The following CARNS1 variants were observed in gnomAD, a reference collection of about 807,000 sequenced individuals.
The protein encoded by CARNS1 is ATP-grasp domain containing 1.
Under a neutral mutation model 74.0 loss-of-function variants are expected in CARNS1, and 61 were observed. That is an observed-to-expected ratio of 0.82 (90% CI 0.67 to 1.02). CARNS1 has a LOEUF of 1.02. Among genes scored for constraint, CARNS1 ranks in the 50% least tolerant of loss-of-function variants. The probability of loss-of-function intolerance (pLI) is 0.00; values close to 1 mark genes in which losing one functional copy is unlikely to be tolerated. For missense variants in CARNS1, 1,278 were observed against 1,308.4 expected (o/e 0.98, Z 0.36); for synonymous variants, 568 against 605.5 (o/e 0.94, Z 0.91).
chr11:67,419,372 G>A (rs1463343940), intron 5 of CARNS1, 115 bp from the exon 6 acceptor site: 1 of 1,494,482 alleles, frequency 6.7e-7, no homozygotes, highest in Admixed American at 2.1e-5. Flanking sequence ...CCCATCTCTG[G>A]GGCAATCCCC....
At chr11:67,419,369 C>G in intron 5 of CARNS1, 118 bp from the exon 6 acceptor site, 1 of 1,479,236 alleles carries the variant, frequency 6.8e-7, no homozygotes, top group South Asian at 1.3e-5. Flanking sequence ...TGCCCCATCT[C>G]TGGGGCAATC....
Position 67,420,700 on chromosome 11 carries a change from T to G in CARNS1, c.1205T>G (p.Leu402Arg). Reference protein sequence around the residue: ...TLEVALAQCGLGEEAQVAAVR... With the variant: ...TLEVALAQCGRGEEAQVAAVR... ...GAGGTGGCGCTGGCCCAGTGCGGCCTGGGCGAGGAGGCGCAGGTGGCGGCT... is the reference window on the plus strand; with the variant it reads ...GAGGTGGCGCTGGCCCAGTGCGGCCGGGGCGAGGAGGCGCAGGTGGCGGCT... The change falls in exon 8 of 10, where the codon CTG becomes CGG. Residue 402 changes from leucine (L) to arginine (R), a missense_variant. Coordinates refer to ENST00000687366, the MANE Select transcript of CARNS1 (RefSeq NM_001166222.2). 1 of 1,266,700 alleles carries G rather than the reference T, an allele frequency of 7.9e-7. No homozygotes were observed. The highest frequency in any genetic ancestry group is 9.9e-7 in the Non-Finnish European group (1 of 1,008,968). The allele number at this position is 1,266,700 out of a possible 1,614,324, so 78.5% of individuals were successfully genotyped here.
chr11:67,416,972 C>T, intron 2 of CARNS1: 4 of 991,758 alleles, frequency 4.0e-6, no homozygotes, highest in Non-Finnish European at 4.8e-6. Context: ...AATAAGCCAC[C>T]TCAGAGTGAT....
chr11:67,417,527 T>A lies in CARNS1; in HGVS notation c.124T>A (p.Trp42Arg). The A allele has an allele frequency of 1.4e-6, 2 of 1,423,438 alleles. No homozygotes were observed. Among genetic ancestry groups the A allele is most frequent in the East Asian group, 2.9e-5 (1 of 35,060 alleles). 88.2% of individuals were successfully genotyped at this position (1,423,438 alleles called of 1,614,324 possible). Residue 42 changes from tryptophan (W) to arginine (R), a missense_variant, in exon 3 of 10, where the codon TGG becomes AGG. Transcript: ENST00000687366. ...GCCCACAGGCTGCTTCCCTGGCTCC[T>A]GGCGCCAGGACGTGGGCCTGGACTG... Reference protein sequence around the residue: ...LPPTGCFPGSWRQDVGLDCKG... With the variant: ...LPPTGCFPGSRRQDVGLDCKG...
chr11:67,424,501 G>T lies in CARNS1; in HGVS notation c.2753G>T (p.Ser918Ile). 6.3e-7 allele frequency: 1 copy of T among 1,588,820 alleles called. No homozygotes were observed. Among genetic ancestry groups the T allele is most frequent in the East Asian group, 2.3e-5 (1 of 43,526 alleles). Reference sequence around the variant, plus strand: ...TGCAGTGTGGCCTGTGCCGGACCCAGCCCCACCGAGGCCCGTCTCCGCCTG... The same window carrying T: ...TGCAGTGTGGCCTGTGCCGGACCCATCCCCACCGAGGCCCGTCTCCGCCTG... ...PYCSVACAGP[S>I]PTEARLRLLG... is the part of the protein sequence containing the mutation. Residue 918 changes from serine to isoleucine, a missense_variant, in exon 10 of 10, where the codon AGC becomes ATC. Transcript: ENST00000687366.
At position 67,424,422 on chromosome 11, in the gene CARNS1, C is replaced by T. The variant is rs114646418; in HGVS notation, c.2674C>T (p.Arg892Cys). 35 of 1,588,792 alleles carry T rather than the reference C, an allele frequency of 2.2e-5. No homozygotes were observed. Among genetic ancestry groups the T allele is most frequent in the African/African-American group, 5.4e-5 (4 of 74,504 alleles). ...LQALHDRGLL[R>C]LNLLEEALVP... The stretch of plus-strand genomic sequence containing the variant: ...GGCCCTGCACGACCGTGGACTGCTA[C>T]GCCTCAATCTGCTGGAGGAGGCCCT... Residue 892 changes from arginine (R) to cysteine (C), a missense_variant, in exon 10 of 10, where the codon CGC becomes TGC. Transcript: ENST00000687366.
In CARNS1 at chr11:67,417,182, C is replaced by T. The variant is rs537032438; in HGVS notation, c.4-225C>T. 51 of 1,224,042 alleles carry T rather than the reference C, an allele frequency of 4.2e-5. No individual in the cohort carries two copies. In the African/African-American group the frequency reaches 7.1e-4, roughly 17 times the overall value. The allele number at this position is 1,224,042 out of a possible 1,614,324, so 75.8% of individuals were successfully genotyped here. On this transcript the variant is annotated intron_variant, in intron 2 of 9. Coordinates refer to ENST00000687366, the MANE Select transcript of CARNS1 (RefSeq NM_001166222.2). ...GGCTGGCAAGACATTGCTTCCTGCC[C>T]TCCCCCCAGGGGCACCACACAGAAC...
At position 67,424,276 on chromosome 11, in the gene CARNS1, G is replaced by A. The variant is rs986049899; in HGVS notation, c.2528G>A (p.Cys843Tyr). 1.2e-6 allele frequency: 2 copies of A among 1,612,982 alleles called. No individual in the cohort carries two copies. The highest frequency in any genetic ancestry group is 1.7e-6 in the Non-Finnish European group (2 of 1,179,826). The change falls in exon 10 of 10, where the codon TGT becomes TAT. Residue 843 changes from cysteine (C) to tyrosine (Y), a missense_variant. Coordinates refer to ENST00000687366, the MANE Select transcript of CARNS1 (RefSeq NM_001166222.2). ...CTGCTGGCTGCTGTTATGGTGGCCT[G>A]TGGCTTGCGTCCTGCCCTGCCCACC... ...DLLLAAVMVACGLRPALPTRP... is the reference protein window; with the variant it reads ...DLLLAAVMVAYGLRPALPTRP...
chr11:67,425,049 T>G lies in CARNS1; in HGVS notation c.*448T>G. ...CTGGGAAAACCTGAGACTAGAACCC[T>G]TGTCTTCCTCTTACCCAAATTCTAG... is the stretch of plus-strand genomic sequence containing the variant. On this transcript the variant is annotated 3_prime_UTR_variant, in exon 10 of 10. Coordinates refer to ENST00000687366, the MANE Select transcript of CARNS1 (RefSeq NM_001166222.2). 1 of 464,974 alleles carries G rather than the reference T, an allele frequency of 2.2e-6. No homozygotes were observed. Among genetic ancestry groups the G allele is most frequent in the Non-Finnish European group, 4.3e-6 (1 of 233,146 alleles). The allele number at this position is 464,974 out of a possible 1,614,324, so 28.8% of individuals were successfully genotyped here.
In CARNS1 at chr11:67,420,839, G is replaced by A; in HGVS notation, c.1344G>A (p.Leu448=). Residue 448 remains leucine (L), a splice_region_variant and synonymous_variant, in exon 8 of 10, where the codon CTG becomes CTA. Transcript: ENST00000687366. ...GGCGCCGGGCGCACACGGACTTCCT[G>A]GGTGAGTGAGGGCGGCCGGGGCCGG... The part of the protein sequence containing the change: ...RGGRRAHTDF[L]GVDFALTAAG... 1 of 1,250,866 alleles carries A rather than the reference G, an allele frequency of 8.0e-7. No individual in the cohort carries two copies. The highest frequency in any genetic ancestry group is 1.6e-5 in the African/African-American group (1 of 63,628). The allele number at this position is 1,250,866 out of a possible 1,614,324, so 77.5% of individuals were successfully genotyped here.
At position 67,419,819 on chromosome 11, in the gene CARNS1, A is replaced by G; in HGVS notation, c.1094A>G (p.Asp365Gly). 1 of 1,591,764 alleles carries G rather than the reference A, an allele frequency of 6.3e-7. No homozygotes were observed. The highest frequency in any genetic ancestry group is 8.5e-7 in the Non-Finnish European group (1 of 1,169,788). ...GCTGTGGTGTGTCGGACACAGGGTG[A>G]TAGGCCACTGCTGAGCAAGGTGAGC... ...ICAVVCRTQG[D>G]RPLLSKVVCG... The change falls in exon 7 of 10, where the codon GAT becomes GGT. Residue 365 changes from aspartate to glycine, a missense_variant. Physicochemically the swap from Asp to Gly is moderately conservative, Grantham distance 94. Around this residue, in one of 3 missense-constraint regions of CARNS1, gnomAD observed 1,164 missense variants for 1,156.5 expected, o/e 1.01. Transcript: ENST00000687366.
rs1863793933 is a variant in CARNS1 at position 67,424,811 on chromosome 11, G to T, written c.*210G>T. 5 of 636,640 alleles carry T rather than the reference G, an allele frequency of 7.9e-6. No individual in the cohort carries two copies. The Admixed American group carries it at 1.3e-4, about 16-fold the overall frequency. 39.4% of individuals were successfully genotyped at this position (636,640 alleles called of 1,614,324 possible). A position where few individuals can be genotyped will look rare whatever the true frequency, so the allele number is the denominator to read the frequency against. On this transcript the variant is annotated 3_prime_UTR_variant, in exon 10 of 10. Coordinates refer to ENST00000687366, the MANE Select transcript of CARNS1 (RefSeq NM_001166222.2). ...GCCTCTTGCCCTCCCGAAGGCCCCA[G>T]TCCAGCCTACAGCTTCCCCAGCATT...
intron 2 of CARNS1, chr11:67,416,685 C>G: frequency 2.0e-5 from 20 of 989,560 alleles, no homozygotes; most frequent in Non-Finnish European, 2.4e-5. Flanking sequence ...CCAGGCCTGT[C>G]CAGGCCTGGG....
Position 67,423,302 on chromosome 11 carries a change from C to T in CARNS1, c.1627-73C>T. The T allele has an allele frequency of 6.8e-7, 1 of 1,474,370 alleles. No individual in the cohort carries two copies. The highest frequency in any genetic ancestry group is 1.8e-4 in the Middle Eastern group (1 of 5,520). 91.3% of individuals were successfully genotyped at this position (1,474,370 alleles called of 1,614,324 possible). On this transcript the variant is annotated intron_variant, in intron 9 of 9. Transcript: ENST00000687366. The surrounding 1 kb of genome is among the most constrained non-coding windows in gnomAD (Gnocchi z 5.1). ...ACTCGTATCCCCTGAAGGGGCCATC[C>T]TAGGCCCCATCCTATCCCCCTAGCA... is the stretch of plus-strand genomic sequence containing the variant.
Position 67,419,786 on chromosome 11 carries a change from G to C in CARNS1, c.1061G>C (p.Arg354Pro), listed in dbSNP as rs1007612294. 1.2e-6 allele frequency: 2 copies of C among 1,603,884 alleles called. No homozygotes were observed. Among genetic ancestry groups the C allele is most frequent in the African/African-American group, 2.7e-5 (2 of 74,572 alleles). Reference protein sequence around the residue: ...GPSPGPGLAVRICAVVCRTQG... With the variant: ...GPSPGPGLAVPICAVVCRTQG... ...TCACCCGGCCCCGGCCTGGCCGTGC[G>C]AATCTGTGCTGTGGTGTGTCGGACA... Residue 354 changes from arginine to proline, a missense_variant, in exon 7 of 10, where the codon CGA becomes CCA. Coordinates refer to ENST00000687366, the MANE Select transcript of CARNS1 (RefSeq NM_001166222.2).
At chr11:67,420,312 A>T (rs1279929453) in intron 7 of CARNS1, among the ~76,000 whole-genome samples, 3 of 151,736 alleles carry the variant, frequency 2.0e-5, no homozygotes, top group Admixed American at 1.3e-4. Context: ...GGTGCGCCCC[A>T]GGGAGATGCT....
Position 67,423,683 on chromosome 11 carries a change from C to T in CARNS1, c.1935C>T (p.Pro645=), listed in dbSNP as rs1336204936. The T allele has an allele frequency of 3.1e-6, 5 of 1,593,974 alleles. No homozygotes were observed. The highest frequency in any genetic ancestry group is 4.3e-6 in the Non-Finnish European group (5 of 1,173,696). ...ACCATGGCCCACCCTGGCCTGCGCC[C>T]TCCCTCCATGCTGTGCCCTGCTGCC... is the stretch of plus-strand genomic sequence containing the variant. ...LHHHGPPWPA[P]SLHAVPCCPL... Residue 645 remains proline (P), a synonymous_variant, in exon 10 of 10, where the codon CCC becomes CCT. Coordinates refer to ENST00000687366, the MANE Select transcript of CARNS1 (RefSeq NM_001166222.2). The surrounding 1 kb of genome is among the most constrained non-coding windows in gnomAD (Gnocchi z 5.1).
chr11:67,422,585 C>G (rs922190734), intron 9 of CARNS1, among the ~76,000 whole-genome samples: 1 of 152,146 alleles, frequency 6.6e-6, no homozygotes, highest in African/African-American at 2.4e-5. Context: ...CTTCGGCCTC[C>G]CAAAGTGCTG....
Position 67,420,758 on chromosome 11 carries a change from C to G in CARNS1, c.1263C>G (p.Ala421=). 8.0e-7 allele frequency: 1 copy of G among 1,242,732 alleles called. No homozygotes were observed. The highest frequency in any genetic ancestry group is 3.6e-5 in the South Asian group (1 of 27,606). The allele number at this position is 1,242,732 out of a possible 1,614,324, so 77.0% of individuals were successfully genotyped here. A position where few individuals can be genotyped will look rare whatever the true frequency, so the allele number is the denominator to read the frequency against. ...AGCGCGTCAAGGCGGCGGCCGAGGCCGCGCTGGCCGCCGTGCTGGCTCTGG... is the reference window on the plus strand; with the variant it reads ...AGCGCGTCAAGGCGGCGGCCGAGGCGGCGCTGGCCGCCGTGCTGGCTCTGG... The part of the protein sequence containing the change: ...VRQRVKAAAE[A]ALAAVLALEA... Residue 421 remains alanine (A), a synonymous_variant, in exon 8 of 10, where the codon GCC becomes GCG. Transcript: ENST00000687366.
Sources: allele counts gnomAD v4.1 joint callset (sites outside exome capture counted in the v4.1 genomes callset), GRCh38; gene constraint gnomAD v4.1.1; regional missense constraint gnomAD v4.1.1; non-coding constraint Gnocchi (gnomAD v3.1); transcripts MANE v1.5; gene names NCBI Gene and HGNC (gene_info 2026-07-23, HGNC 2026-07-21).